IMMP2L: variants seen among roughly 807,000 people sequenced by gnomAD.
The protein encoded by IMMP2L is inner mitochondrial membrane peptidase subunit 2.
A neutral mutation model predicts 19.3 loss-of-function variants in IMMP2L; 18 were observed. That is an observed-to-expected ratio of 0.93 (90% CI 0.64 to 1.38). The LOEUF (loss-of-function observed/expected upper bound fraction) is 1.38, where lower values mean the gene tolerates loss of function less well. IMMP2L is among the 40% of genes most tolerant of loss of function. The pLI is 0.00. For synonymous variants in IMMP2L, 76 were observed against 73.0 expected (o/e 1.04, Z -0.21); for missense variants, 233 against 218.2 (o/e 1.07, Z -0.43).
At chr7:111,063,143 T>G (rs1360754938) in intron 3 of IMMP2L, among the ~76,000 whole-genome samples, 1 of 152,210 alleles carries the variant, frequency 6.6e-6, no homozygotes, top group East Asian at 1.9e-4. Context: ...TCCAGGCATT[T>G]CCATAAATCC....
At position 111,259,838 on chromosome 7, in the gene IMMP2L, T is replaced by A. The variant is rs1484224919; in HGVS notation, c.239+227400A>T. ...TATTTTAAAAAAATATTTTCTTTTT[T>A]AAAAAATGTTTTAAATATTTTCCTT... is the stretch of plus-strand genomic sequence containing the variant. On this transcript the variant is annotated intron_variant, in intron 3 of 5. Transcript: ENST00000405709. 2.6e-5 allele frequency among the ~76,000 whole-genome samples: 4 copies of A among 152,282 alleles called. No homozygotes were observed. In the Middle Eastern group the frequency reaches 0.01, roughly 388 times the overall value.
intron 1 of IMMP2L, among the ~76,000 whole-genome samples, chr7:111,545,137 A>T: frequency 6.6e-6 from 1 of 151,844 alleles, no homozygotes; most frequent in South Asian, 2.2e-4. Context: ...TTATATTTTT[A>T]AATATTAATT....
chr7:110,813,945 C>T (rs1200405931), intron 5 of IMMP2L, among the ~76,000 whole-genome samples: 1 of 151,980 alleles, frequency 6.6e-6, no homozygotes, highest in East Asian at 1.9e-4. Flanking sequence ...TTCATCTCAA[C>T]TAATTTCCTG....
chr7:110,670,878 A>C (rs190087110), intron 5 of IMMP2L, among the ~76,000 whole-genome samples: 3 of 152,162 alleles, frequency 2.0e-5, no homozygotes, highest in Admixed American at 6.5e-5. Context: ...AACTCTTCCA[A>C]TAGGTTAAAT....
At chr7:110,894,522 G>A (rs1257970759) in intron 4 of IMMP2L, among the ~76,000 whole-genome samples, 2 of 151,988 alleles carry the variant, frequency 1.3e-5, no homozygotes, top group Admixed American at 1.3e-4. Flanking sequence ...ATCTTCTTTG[G>A]TGAATTATCT....
At chr7:111,436,409 A>G (rs987218445) in intron 3 of IMMP2L, among the ~76,000 whole-genome samples, 2 of 151,832 alleles carry the variant, frequency 1.3e-5, no homozygotes, top group Admixed American at 6.6e-5. Flanking sequence ...TAAATACAAA[A>G]ACAAAATTTC....
chr7:110,946,382 A>C (rs1019432779), intron 4 of IMMP2L, among the ~76,000 whole-genome samples: 20 of 152,172 alleles, frequency 1.3e-4, no homozygotes, highest in African/African-American at 4.8e-4. Context: ...TTAAATTTAA[A>C]ATATTGAGAC....
At chr7:111,432,416 C>A (rs749565084) in intron 3 of IMMP2L, among the ~76,000 whole-genome samples, 1 of 151,662 alleles carries the variant, frequency 6.6e-6, no homozygotes, top group Non-Finnish European at 1.5e-5. Context: ...TCAAAAGACA[C>A]AAATTAATAA....
intron 3 of IMMP2L, among the ~76,000 whole-genome samples, chr7:111,092,534 G>T (rs1299229362): frequency 1.3e-5 from 2 of 152,048 alleles, no homozygotes; most frequent in African/African-American, 4.8e-5. Flanking sequence ...AGAAGTAAAG[G>T]TTCAAAATAT....
intron 3 of IMMP2L, among the ~76,000 whole-genome samples, chr7:111,276,306 A>T (rs1361144279): frequency 1.3e-5 from 2 of 152,086 alleles, no homozygotes; most frequent in Non-Finnish European, 1.5e-5. Context: ...CCACATGATC[A>T]TGGTATATTA....
At chr7:111,118,918 G>A (rs1027992496) in intron 3 of IMMP2L, among the ~76,000 whole-genome samples, 1 of 152,100 alleles carries the variant, frequency 6.6e-6, no homozygotes, top group Non-Finnish European at 1.5e-5. Flanking sequence ...AATTCAAAAT[G>A]TGGTTGTTTC....
intron 5 of IMMP2L, among the ~76,000 whole-genome samples, chr7:110,771,927 C>T (rs1799069221): frequency 6.6e-6 from 1 of 152,158 alleles, no homozygotes; most frequent in Non-Finnish European, 1.5e-5. Flanking sequence ...AAGATGTGCT[C>T]TTAACCACTA....
intron 5 of IMMP2L, among the ~76,000 whole-genome samples, chr7:110,825,964 C>A (rs1803450676): frequency 6.6e-6 from 1 of 152,086 alleles, no homozygotes; most frequent in African/African-American, 2.4e-5. Context: ...TATCCAGAAT[C>A]TAGAAAGTAC....
intron 3 of IMMP2L, among the ~76,000 whole-genome samples, chr7:111,021,072 T>A (rs1826224880): frequency 6.6e-6 from 1 of 152,196 alleles, no homozygotes; most frequent in Non-Finnish European, 1.5e-5. Context: ...ACAACATAAT[T>A]AATAAATTAG....
chr7:111,266,704 G>T (rs1470796918), intron 3 of IMMP2L, among the ~76,000 whole-genome samples: 5 of 152,050 alleles, frequency 3.3e-5, no homozygotes, highest in Admixed American at 2.6e-4. Context: ...ATTAGACTAA[G>T]TCCCCAGTTA....
chr7:111,386,609 T>C (rs6942948), intron 3 of IMMP2L, among the ~76,000 whole-genome samples: 6,506 of 152,150 alleles, frequency 0.043, 485 homozygotes, highest in African/African-American at 0.15. Flanking sequence ...CAAGTAAAGT[T>C]ACAGCAGACA....
At chr7:111,304,849 T>A (rs1822690932) in intron 3 of IMMP2L, among the ~76,000 whole-genome samples, 1 of 151,910 alleles carries the variant, frequency 6.6e-6, no homozygotes, top group Non-Finnish European at 1.5e-5. Context: ...ACCTTTCCTA[T>A]TTTCCTCAAC....
At chr7:110,807,744 A>G (rs1483125041) in intron 5 of IMMP2L, among the ~76,000 whole-genome samples, 1 of 152,092 alleles carries the variant, frequency 6.6e-6, no homozygotes, top group Non-Finnish European at 1.5e-5. Flanking sequence ...ATAGTTATTT[A>G]AGGTATCCTA....
chr7:110,823,530 G>A (rs1324337518), intron 5 of IMMP2L, among the ~76,000 whole-genome samples: 2 of 151,996 alleles, frequency 1.3e-5, no homozygotes, highest in African/African-American at 4.8e-5. Flanking sequence ...TTATCCTAAA[G>A]ACAAGCTTAT....
Sources: allele counts gnomAD v4.1 joint callset (sites outside exome capture counted in the v4.1 genomes callset), GRCh38; gene constraint gnomAD v4.1.1; transcripts MANE v1.5; gene names NCBI Gene and HGNC (gene_info 2026-07-23, HGNC 2026-07-21).